Variants in OTOA observed in about 807,000 individuals in gnomAD.
OTOA encodes cancer/testis antigen 108.
In OTOA, 70 loss-of-function variants were observed where a neutral mutation model predicts 110.8. The ratio of observed to expected loss-of-function variants is 0.63; its 90% confidence interval spans 0.52 to 0.77. The LOEUF (loss-of-function observed/expected upper bound fraction) is 0.77, where lower values mean the gene tolerates loss of function less well. Ranked by LOEUF, OTOA falls within the 30% of genes least tolerant of loss-of-function variation. The pLI, the probability that OTOA is intolerant of heterozygous loss-of-function variation, is 0.00. For missense variants in OTOA, 917 were observed against 1,075.8 expected, an observed-to-expected ratio of 0.85 and a Z score of 2.06; for synonymous variants, 373 against 431.5, an observed-to-expected ratio of 0.86 and a Z score of 1.68.
intron 13 of OTOA, 50 bp downstream of exon 13, chr16:21,710,153 G>A: frequency 1.3e-6 from 2 of 1,489,506 alleles, no homozygotes; most frequent in Non-Finnish European, 1.8e-6. Flanking sequence ...TGACCTAAGT[G>A]TATTAGACCT....
At chr16:21,701,597 T>C (rs1467549241) in intron 11 of OTOA, among the ~76,000 whole-genome samples, 2 of 151,960 alleles carry the variant, frequency 1.3e-5, no homozygotes, top group African/African-American at 4.8e-5. Context: ...TGAGTACAGC[T>C]CAATACTCCC....
At chr16:21,744,337 G>A (rs200196095) in intron 23 of OTOA, among the ~76,000 whole-genome samples, 2,977 of 148,404 alleles carry the variant, frequency 0.02, no homozygotes, top group East Asian at 0.039. Context: ...AGTAGAGGCA[G>A]GGTTTCGTTA....
At chr16:21,756,261 TG>T (rs1462332045) in intron 27 of OTOA, among the ~76,000 whole-genome samples, 1 of 151,412 alleles carries the variant, frequency 6.6e-6, no homozygotes, top group East Asian at 1.9e-4. Context: ...AGACATAGTC[TG>T]GCTGGCAGAA....
intron 1 of OTOA, among the ~76,000 whole-genome samples, chr16:21,673,943 G>A (rs879424767): frequency 9.9e-5 from 15 of 151,476 alleles, no homozygotes; most frequent in Admixed American, 3.9e-4. Context: ...GACTACAGGC[G>A]CCCACCACCA....
intron 10 of OTOA, among the ~76,000 whole-genome samples, chr16:21,699,383 C>A (rs1460720794): frequency 6.6e-6 from 1 of 152,200 alleles, no homozygotes; most frequent in Non-Finnish European, 1.5e-5. Flanking sequence ...TGCCAGTAAT[C>A]CCAGCACTTT....
At chr16:21,698,728 C>T (rs1481290779) in intron 10 of OTOA, among the ~76,000 whole-genome samples, 3 of 152,008 alleles carry the variant, frequency 2.0e-5, no homozygotes, top group Non-Finnish European at 1.5e-5. Context: ...AAGTGTCTTC[C>T]GATTTTTATA....
intron 1 of OTOA, among the ~76,000 whole-genome samples, chr16:21,677,479 C>CTTTTTTTTTTTTTTTTTTT (rs778223383): frequency 8.6e-6 from 1 of 116,922 alleles, no homozygotes; most frequent in Non-Finnish European, 1.7e-5. Flanking sequence ...AGCTTCATAT[C>CTTTTTTTTTTTTTTTTTTT]TTTTTTTTTT....
At chr16:21,738,801 T>C (rs560274012) in intron 22 of OTOA, among the ~76,000 whole-genome samples, 2 of 152,426 alleles carry the variant, frequency 1.3e-5, no homozygotes, top group East Asian at 3.8e-4. Flanking sequence ...CCTATTCCCA[T>C]TTAGGGCTGC....
intron 7 of OTOA, among the ~76,000 whole-genome samples, chr16:21,686,913 A>G (rs1597810501): frequency 1.3e-5 from 2 of 152,086 alleles, no homozygotes; most frequent in Admixed American, 6.6e-5. Context: ...TAAAACTTTA[A>G]AAAAGCTCCC....
Position 21,668,532 on chromosome 16 carries a change from G to T in OTOA, c.-5+4300G>T, listed in dbSNP as rs191966544. 4.0e-5 allele frequency among the ~76,000 whole-genome samples: 6 copies of T among 149,510 alleles called. No homozygotes were observed. In the East Asian group the frequency reaches 1.2e-3, roughly 29 times the overall value. On this transcript the variant is annotated intron_variant, in intron 1 of 28. Coordinates refer to ENST00000646100, the MANE Select transcript of OTOA (RefSeq NM_144672.4). Reference sequence around the variant, plus strand: ...TTGGAGTGCAATGGGATGATCTCGGGTCACTGCAACCTCTGCCTCCCGGGT... The same window carrying T: ...TTGGAGTGCAATGGGATGATCTCGGTTCACTGCAACCTCTGCCTCCCGGGT...
At chr16:21,734,518 A>G (rs1485319354) in intron 21 of OTOA, among the ~76,000 whole-genome samples, 1 of 151,844 alleles carries the variant, frequency 6.6e-6, no homozygotes, top group Non-Finnish European at 1.5e-5. Flanking sequence ...CCCTGAACTT[A>G]AAATAAAAGT....
At chr16:21,709,827 G>C in intron 12 of OTOA, 61 bp from the exon 13 acceptor site, 3 of 1,445,672 alleles carry the variant, frequency 2.1e-6, no homozygotes, top group Non-Finnish European at 2.9e-6. Context: ...CCTGGATATG[G>C]TCAGAGGGAG....
intron 15 of OTOA, among the ~76,000 whole-genome samples, chr16:21,718,237 C>T (rs1181647829): frequency 6.6e-5 from 10 of 152,158 alleles, no homozygotes; most frequent in African/African-American, 1.9e-4. Context: ...GGATTACAGG[C>T]GTGAACCAGG....
chr16:21,667,704 G>C (rs1162579391), intron 1 of OTOA, among the ~76,000 whole-genome samples: 2 of 152,114 alleles, frequency 1.3e-5, no homozygotes, highest in Admixed American at 6.6e-5. Context: ...TGGAGGCCGT[G>C]TGGTCCCTGT....
intron 18 of OTOA, among the ~76,000 whole-genome samples, chr16:21,725,776 G>A (rs1567393058): frequency 6.6e-6 from 1 of 152,136 alleles, no homozygotes; most frequent in Non-Finnish European, 1.5e-5. Context: ...CTCAACTTTT[G>A]TTAATGCCTT....
chr16:21,758,464 G>A (rs1900064118), intron 28 of OTOA, among the ~76,000 whole-genome samples: 1 of 148,914 alleles, frequency 6.7e-6, no homozygotes, highest in Non-Finnish European at 1.5e-5. Flanking sequence ...GATGGGCTTA[G>A]CGAGGTAGAC....
intron 11 of OTOA, chr16:21,704,850 A>G: frequency 1.3e-6 from 1 of 760,146 alleles, no homozygotes; most frequent in Non-Finnish European, 2.4e-6. Context: ...GGGTCTTGCT[A>G]CAAGGTGATG....
In OTOA at chr16:21,684,537, C is replaced by T. The variant is rs929348618; in HGVS notation, c.268-693C>T. Reference sequence around the variant, plus strand: ...AGCTGCTGCTGATGGGAAACTCAATCACCTACAGGGACCAGGCAGGCCATG... The same window carrying T: ...AGCTGCTGCTGATGGGAAACTCAATTACCTACAGGGACCAGGCAGGCCATG... On this transcript the variant is annotated intron_variant, in intron 6 of 28. Transcript: ENST00000646100. 18 of 1,550,634 alleles carry T rather than the reference C, an allele frequency of 1.2e-5. No homozygotes were observed. In the East Asian group the frequency reaches 4.2e-4, roughly 36 times the overall value.
At chr16:21,750,099 A>G (rs1459057757) in intron 24 of OTOA, among the ~76,000 whole-genome samples, 14 of 152,296 alleles carry the variant, frequency 9.2e-5, no homozygotes, top group Admixed American at 8.5e-4. Flanking sequence ...AGAAAACCCA[A>G]CACAAACTGG....
Sources: gnomAD v4.1 joint callset for allele counts (sites outside exome capture counted in the v4.1 genomes callset) on GRCh38, gnomAD v4.1.1 for gene constraint, MANE v1.5 for transcripts, NCBI Gene and HGNC (gene_info 2026-07-23, HGNC 2026-07-21) for gene names.